The following NEDD4 variants were observed in gnomAD, a reference collection of about 807,000 sequenced individuals.
NEDD4 encodes the protein NEDD4 E3 ubiquitin protein ligase.
In NEDD4, 99 loss-of-function variants were observed where a neutral mutation model predicts 144.9. The observed-to-expected ratio is 0.68, with a 90% CI of 0.58 to 0.81. The LOEUF is 0.81. NEDD4 is among the 30% of genes least tolerant of loss of function. The probability of loss-of-function intolerance (pLI) is 0.00; values close to 1 mark genes in which losing one functional copy is unlikely to be tolerated. For missense variants in NEDD4, 985 were observed against 1,065.9 expected, an observed-to-expected ratio of 0.92 and a Z score of 1.06; for synonymous variants, 318 against 350.6, an observed-to-expected ratio of 0.91 and a Z score of 1.04.
chr15:55,971,894 A>AG (rs1404717169), intron 1 of NEDD4, among the ~76,000 whole-genome samples: 1 of 152,208 alleles, frequency 6.6e-6, no homozygotes, highest in Non-Finnish European at 1.5e-5. Context: ...AAAACAAAAC[A>AG]AAAAACAAAG....
chr15:55,966,520 T>G lies in NEDD4; in HGVS notation c.72A>C (p.Arg24Ser). The change falls in exon 2 of 29, where the codon AGA (arginine) becomes AGC (serine). Residue 24 changes from arginine (R) to serine (S), a missense_variant. Coordinates refer to ENST00000435532, the MANE Select transcript of NEDD4 (RefSeq NM_006154.4). The stretch of plus-strand genomic sequence containing the variant: ...TGGCAAGGCCTATTCCGGCTATAAC[T>G]CTTACTCTCACAATTCGTGAATTTT... Reference protein sequence around the residue: ...DEENSRIVRVRVIAGIGLAKK... With the variant: ...DEENSRIVRVSVIAGIGLAKK... The G allele has an allele frequency of 1.3e-6, 2 of 1,530,088 alleles. No individual in the cohort carries two copies. The highest frequency in any genetic ancestry group is 1.8e-6 in the Non-Finnish European group (2 of 1,138,274). 94.8% of individuals were successfully genotyped at this position (1,530,088 alleles called of 1,614,324 possible). A position where few individuals can be genotyped will look rare whatever the true frequency, so the allele number is the denominator to read the frequency against.
At chr15:55,870,914 T>C (rs1269418040) in intron 7 of NEDD4, among the ~76,000 whole-genome samples, 1 of 152,182 alleles carries the variant, frequency 6.6e-6, no homozygotes, top group Admixed American at 6.5e-5. Context: ...CAGCTCTCTA[T>C]ATAGATTTTT....
chr15:55,909,293 C>A (rs2036196470), intron 5 of NEDD4, among the ~76,000 whole-genome samples: 1 of 152,216 alleles, frequency 6.6e-6, no homozygotes, highest in African/African-American at 2.4e-5. Context: ...TCTATCCCAA[C>A]AGTTCGCTTC....
rs114264654 is a variant in NEDD4, at chr15:55,832,696, T to A, written c.2527+312A>T. ...CTCCTGAAGTGCAGGATTACAGGTG[T>A]GAGCCACCCCTCCCGGCCAAGGTAA... On this transcript the variant is annotated intron_variant, in intron 27 of 28. Coordinates refer to ENST00000435532, the MANE Select transcript of NEDD4 (RefSeq NM_006154.4). Among the ~76,000 whole-genome samples, 538 of 152,282 alleles carry A rather than the reference T, an allele frequency of 3.5e-3. 5 individuals are homozygous for A. Among genetic ancestry groups the A allele is most frequent in the African/African-American group, 0.012 (509 of 41,554 alleles).
intron 1 of NEDD4, among the ~76,000 whole-genome samples, chr15:55,990,000 T>C (rs954290426): frequency 6.6e-6 from 1 of 152,024 alleles, no homozygotes; most frequent in Non-Finnish European, 1.5e-5. Flanking sequence ...GAACTGTCCA[T>C]GCAAGCGATC....
At chr15:55,912,724 T>C (rs1306909464) in intron 5 of NEDD4, among the ~76,000 whole-genome samples, 2 of 152,174 alleles carry the variant, frequency 1.3e-5, no homozygotes, top group Non-Finnish European at 2.9e-5. Flanking sequence ...CTTAACCTGC[T>C]TCTTGATTGA....
intron 1 of NEDD4, among the ~76,000 whole-genome samples, chr15:55,983,713 C>A (rs1407534117): frequency 6.6e-6 from 1 of 151,072 alleles, no homozygotes; most frequent in Non-Finnish European, 1.5e-5. Context: ...CCGATTCAAA[C>A]AATTTTCCTG....
chr15:55,848,652 T>C (rs2033851111), intron 15 of NEDD4, 77 bp from the exon 16 acceptor site: 2 of 1,362,078 alleles, frequency 1.5e-6, no homozygotes, highest in Admixed American at 3.4e-5. Flanking sequence ...ACTGGTTGTA[T>C]GGTTAATTTA....
At chr15:55,843,873 T>C (rs1360326593) in intron 18 of NEDD4, among the ~76,000 whole-genome samples, 2 of 150,984 alleles carry the variant, frequency 1.3e-5, no homozygotes, top group Admixed American at 1.3e-4. Flanking sequence ...GGGCCAACGA[T>C]GGGGAATAAA....
chr15:55,879,366 TG>T (rs1566928602), intron 5 of NEDD4, among the ~76,000 whole-genome samples: 1 of 152,186 alleles, frequency 6.6e-6, no homozygotes, highest in East Asian at 1.9e-4. Flanking sequence ...AATTCCTCTC[TG>T]GAACAACTAA....
chr15:55,938,900 G>C lies in NEDD4; in HGVS notation c.237+12476C>G, dbSNP rs376973985. On this transcript the variant is annotated intron_variant, in intron 4 of 28. Transcript: ENST00000435532. ...GCAGGAGGATCACTTGAATCCAGGA[G>C]TCTGAGACCAGCCTGGGCAAAACAG... Among the ~76,000 whole-genome samples, 15 of 152,198 alleles carry C rather than the reference G, an allele frequency of 9.9e-5. No homozygotes were observed. In the East Asian group the frequency reaches 2.7e-3, roughly 27 times the overall value.
At chr15:55,990,957 T>C (rs1301337949) in intron 1 of NEDD4, among the ~76,000 whole-genome samples, 2 of 152,222 alleles carry the variant, frequency 1.3e-5, no homozygotes, top group Non-Finnish European at 2.9e-5. Context: ...GTCACTTATA[T>C]GTGGAAGAAG....
intron 5 of NEDD4, among the ~76,000 whole-genome samples, chr15:55,909,485 C>A (rs1187229121): frequency 6.6e-6 from 1 of 152,180 alleles, no homozygotes; most frequent in Non-Finnish European, 1.5e-5. Context: ...GGATACTGAA[C>A]CAGACGTGTG....
At chr15:55,989,757 A>T (rs1395269316) in intron 1 of NEDD4, among the ~76,000 whole-genome samples, 1 of 152,204 alleles carries the variant, frequency 6.6e-6, no homozygotes, top group African/African-American at 2.4e-5. Context: ...AGGGGATTAG[A>T]TGCTTACAAA....
chr15:55,963,142 T>A (rs76664246), intron 2 of NEDD4, among the ~76,000 whole-genome samples: 2,991 of 150,962 alleles, frequency 0.02, 120 homozygotes, highest in African/African-American at 0.069. Context: ...TTTATTTTTT[T>A]TTTTTTTGAG....
chr15:55,946,759 A>T (rs1311524230), intron 4 of NEDD4, among the ~76,000 whole-genome samples: 1 of 152,228 alleles, frequency 6.6e-6, no homozygotes, highest in Non-Finnish European at 1.5e-5. Flanking sequence ...AGTTGGAAGT[A>T]AAGCACTCCT....
intron 1 of NEDD4, among the ~76,000 whole-genome samples, chr15:55,970,592 C>T (rs2037590942): frequency 6.6e-6 from 1 of 152,036 alleles, no homozygotes; most frequent in South Asian, 2.1e-4. Context: ...GGAGAGACTC[C>T]AATTGGTTGG....
At chr15:55,969,215 T>G (rs755056123) in intron 1 of NEDD4, among the ~76,000 whole-genome samples, 18 of 152,144 alleles carry the variant, frequency 1.2e-4, no homozygotes, top group Non-Finnish European at 1.9e-4. Context: ...AGAAGTCAGC[T>G]TGCACCCATG....
chr15:55,950,005 A>G (rs1264391164), intron 4 of NEDD4, among the ~76,000 whole-genome samples: 2 of 152,144 alleles, frequency 1.3e-5, no homozygotes, highest in East Asian at 3.9e-4. Flanking sequence ...AAAATAAGTA[A>G]AATAAAACAA....
Sources: gnomAD v4.1 joint callset for allele counts (sites outside exome capture counted in the v4.1 genomes callset) on GRCh38, gnomAD v4.1.1 for gene constraint, MANE v1.5 for transcripts, NCBI Gene and HGNC (gene_info 2026-07-23, HGNC 2026-07-21) for gene names.